Variants in RFX3 observed in about 807,000 individuals in gnomAD.
RFX3 encodes the protein transcription factor RFX3.
A neutral mutation model predicts 98.6 loss-of-function variants in RFX3; 14 were observed. The ratio of observed to expected loss-of-function variants is 0.14; its 90% CI spans 0.09 to 0.22. The LOEUF is 0.22. Among genes scored for constraint, RFX3 ranks in the 10% least tolerant of loss-of-function variants. RFX3 has a pLI of 1.00. For synonymous variants in RFX3, 383 were observed against 328.4 expected, an observed-to-expected ratio of 1.17 and a Z score of -1.80; for missense variants, 639 against 926.9, an observed-to-expected ratio of 0.69 and a Z score of 4.03.
intron 7 of RFX3, among the ~76,000 whole-genome samples, chr9:3,280,890 T>C (rs992008773): frequency 6.6e-6 from 1 of 151,766 alleles, no homozygotes; most frequent in Non-Finnish European, 1.5e-5. Flanking sequence ...AATACATCAA[T>C]TAATATTAGA....
chr9:3,504,302 A>G (rs907155990), intron 1 of RFX3, among the ~76,000 whole-genome samples: 30 of 135,334 alleles, frequency 2.2e-4, no homozygotes, highest in Non-Finnish European at 3.8e-4. Flanking sequence ...TATATTATAT[A>G]CCACATAGCA....
intron 4 of RFX3, among the ~76,000 whole-genome samples, 179 bp downstream of exon 4, chr9:3,330,080 T>C (rs539541554): frequency 6.6e-6 from 1 of 152,278 alleles, no homozygotes; most frequent in African/African-American, 2.4e-5. Context: ...AGGGCATATG[T>C]ATCAGTAACA....
At chr9:3,319,480 A>G (rs889842443) in intron 4 of RFX3, among the ~76,000 whole-genome samples, 1 of 152,158 alleles carries the variant, frequency 6.6e-6, no homozygotes, top group Non-Finnish European at 1.5e-5. Context: ...TGCAATCTTA[A>G]GTATTATTTG....
chr9:3,504,931 AT>A (rs1564185818), intron 1 of RFX3, among the ~76,000 whole-genome samples: 1 of 67,446 alleles, frequency 1.5e-5, no homozygotes, highest in Non-Finnish European at 2.4e-5. Context: ...CATATATTAT[AT>A]ATAATATATA....
chr9:3,504,906 A>ATTATATATAATATAACATATATTATATAT (rs1344547670), intron 1 of RFX3, among the ~76,000 whole-genome samples: 27 of 24,448 alleles, frequency 1.1e-3, no homozygotes, highest in African/African-American at 4.6e-3. Context: ...TATATTATAT[A>ATTATATATAATATAACATATATTATATAT]TATATATAAT....
At chr9:3,378,975 G>C (rs377104792) in intron 2 of RFX3, among the ~76,000 whole-genome samples, 2 of 152,280 alleles carry the variant, frequency 1.3e-5, no homozygotes, top group East Asian at 3.9e-4. Context: ...AAATTGGAGT[G>C]TGTGCCTGTA....
chr9:3,358,242 T>C (rs922015632), intron 2 of RFX3, among the ~76,000 whole-genome samples: 42 of 152,260 alleles, frequency 2.8e-4, no homozygotes, highest in African/African-American at 9.4e-4. Context: ...TGTATGACAA[T>C]TATAATACAT....
intron 6 of RFX3, among the ~76,000 whole-genome samples, chr9:3,289,674 T>C (rs1247587994): frequency 6.6e-6 from 1 of 152,040 alleles, no homozygotes. Context: ...TTTAATTGGG[T>C]TGGGAGGGAG....
chr9:3,361,647 C>A (rs1201065588), intron 2 of RFX3, among the ~76,000 whole-genome samples: 1 of 140,436 alleles, frequency 7.1e-6, no homozygotes, highest in Non-Finnish European at 1.5e-5. Context: ...CATAGTGAGA[C>A]CTTGTTTCTT....
chr9:3,471,150 A>C (rs979720468), intron 1 of RFX3, among the ~76,000 whole-genome samples: 3 of 152,192 alleles, frequency 2.0e-5, no homozygotes, highest in African/African-American at 7.2e-5. Flanking sequence ...GCAATTCTAA[A>C]GGCAAATCTG....
intron 1 of RFX3, among the ~76,000 whole-genome samples, chr9:3,478,155 T>G (rs1183840746): frequency 6.6e-6 from 1 of 152,194 alleles, no homozygotes; most frequent in Admixed American, 6.5e-5. Flanking sequence ...GGACTTTTTT[T>G]GTTCGTTTTT....
chr9:3,479,957 T>C (rs1564156036), intron 1 of RFX3, among the ~76,000 whole-genome samples: 1 of 152,230 alleles, frequency 6.6e-6, no homozygotes, highest in Non-Finnish European at 1.5e-5. Context: ...ATTTCTCTTT[T>C]GTTAGCTGGT....
intron 4 of RFX3, among the ~76,000 whole-genome samples, chr9:3,316,558 T>C (rs1014701881): frequency 6.6e-6 from 1 of 152,204 alleles, no homozygotes; most frequent in Non-Finnish European, 1.5e-5. Context: ...ATAAAGAGTA[T>C]TCAATTAGGA....
intron 10 of RFX3, 180 bp downstream of exon 10, chr9:3,270,823 T>C (rs924330971): frequency 7.4e-6 from 6 of 810,030 alleles, no homozygotes; most frequent in African/African-American, 6.9e-5. Context: ...ATGGGAGCTA[T>C]ATACACACAC....
At chr9:3,505,045 ATAT>A (rs1564186357) in intron 1 of RFX3, among the ~76,000 whole-genome samples, 1 of 91,032 alleles carries the variant, frequency 1.1e-5, no homozygotes, top group Non-Finnish European at 1.9e-5. Flanking sequence ...AATATATTTT[ATAT>A]TATATATAAA....
In RFX3 at chr9:3,344,746, G is replaced by C. The variant is rs976351825; in HGVS notation, c.215+1921C>G. On this transcript the variant is annotated intron_variant, in intron 3 of 16. Transcript: ENST00000617270. ...TGACAACTGGGTGACCTCTAGCAGT[G>C]TCTACAAAGCCATTTATTTTCCCTG... 12 of 655,476 alleles carry C rather than the reference G, an allele frequency of 1.8e-5. No homozygotes were observed. In the African/African-American group the frequency reaches 2.2e-4, roughly 12 times the overall value. The allele number at this position is 655,476 out of a possible 1,614,324, so 40.6% of individuals were successfully genotyped here.
intron 1 of RFX3, among the ~76,000 whole-genome samples, chr9:3,510,056 T>C (rs1459713461): frequency 6.6e-6 from 1 of 152,014 alleles, no homozygotes; most frequent in Non-Finnish European, 1.5e-5. Flanking sequence ...TTGGGCCATT[T>C]GGAAACATGT....
intron 1 of RFX3, among the ~76,000 whole-genome samples, chr9:3,479,381 C>T (rs1849544463): frequency 6.6e-6 from 1 of 150,892 alleles, no homozygotes; most frequent in Admixed American, 6.6e-5. Context: ...AGATCTTAAC[C>T]AAAAAAAACA....
At chr9:3,248,677 G>A (rs1280863444) in intron 14 of RFX3, among the ~76,000 whole-genome samples, 1 of 152,194 alleles carries the variant, frequency 6.6e-6, no homozygotes, top group Non-Finnish European at 1.5e-5. Flanking sequence ...GTTCCCAGAT[G>A]TGGCAATACA....
Sources: allele counts gnomAD v4.1 joint callset (sites outside exome capture counted in the v4.1 genomes callset), GRCh38; gene constraint gnomAD v4.1.1; transcripts MANE v1.5; gene names NCBI Gene and HGNC (gene_info 2026-07-23, HGNC 2026-07-21).